DLEU7: variants seen among roughly 807,000 people sequenced by gnomAD.
DLEU7 encodes leukemia-associated protein 7.
In DLEU7, 17 loss-of-function variants were observed where a neutral mutation model predicts 16.0. The ratio of observed to expected loss-of-function variants is 1.06; its 90% confidence interval spans 0.73 to 1.59. The LOEUF (loss-of-function observed/expected upper bound fraction) is 1.59, where lower values mean the gene tolerates loss of function less well. Ranked by LOEUF, DLEU7 falls within the 40% of genes most tolerant of loss-of-function variation. DLEU7 has a pLI of 0.00. For synonymous variants in DLEU7, 113 were observed against 139.8 expected, an observed-to-expected ratio of 0.81 and a Z score of 1.35; for missense variants, 308 against 314.9, an observed-to-expected ratio of 0.98 and a Z score of 0.17.
chr13:50,767,599 C>T (rs546010298), intron 1 of DLEU7, among the ~76,000 whole-genome samples: 1 of 152,228 alleles, frequency 6.6e-6, no homozygotes, highest in African/African-American at 2.4e-5. Context: ...CTGTCTTCCC[C>T]AGTGGAGCTC....
chr13:50,746,954 TACAC>T (rs3059124), intron 1 of DLEU7, among the ~76,000 whole-genome samples: 56 of 150,896 alleles, frequency 3.7e-4, no homozygotes, highest in African/African-American at 1.2e-3. Flanking sequence ...TTGTGGAACG[TACAC>T]ACACACACAC....
At chr13:50,791,031 A>C (rs1351918602) in intron 1 of DLEU7, among the ~76,000 whole-genome samples, 3 of 152,098 alleles carry the variant, frequency 2.0e-5, no homozygotes, top group Non-Finnish European at 2.9e-5. Flanking sequence ...AAGAAGACCG[A>C]GTGGGCGAGG....
chr13:50,735,408 C>A (rs1196973783), intron 1 of DLEU7, among the ~76,000 whole-genome samples: 1 of 151,986 alleles, frequency 6.6e-6, no homozygotes, highest in Non-Finnish European at 1.5e-5. Context: ...TAAAGCAAGT[C>A]TCAATAAATT....
Position 50,843,170 on chromosome 13 carries a change from G to A in DLEU7, c.459+18C>T. 1 of 1,582,208 alleles carries A rather than the reference G, an allele frequency of 6.3e-7. No homozygotes were observed. The highest frequency in any genetic ancestry group is 8.6e-7 in the Non-Finnish European group (1 of 1,166,156). On this transcript the variant is annotated intron_variant, in intron 1 of 1. Coordinates refer to ENST00000504404, the MANE Select transcript of DLEU7 (RefSeq NM_001306135.2). This position sits in a 1 kb window ranked among gnomAD's most constrained non-coding sequence, Gnocchi z 5.7. ...GGTTACCCTGCACGCCAGAGGGGAT[G>A]GCGGGGGCCAGACTCACCTTCAGGT... is the stretch of plus-strand genomic sequence containing the variant.
At chr13:50,750,858 G>C (rs976187023) in intron 1 of DLEU7, among the ~76,000 whole-genome samples, 21 of 152,094 alleles carry the variant, frequency 1.4e-4, no homozygotes, top group African/African-American at 3.6e-4. Flanking sequence ...GGGTTTTCGA[G>C]GTAAACAATC....
chr13:50,843,414 C>T lies in DLEU7; in HGVS notation c.233G>A (p.Arg78Gln), dbSNP rs996490922. Residue 78 changes from arginine to glutamine, a missense_variant, in exon 1 of 2, where the codon CGG becomes CAG. Physicochemically the swap from Arg to Gln is conservative, Grantham distance 43. Transcript: ENST00000504404. This position sits in a 1 kb window ranked among gnomAD's most constrained non-coding sequence, Gnocchi z 5.7. The part of the protein sequence containing the change: ...RGGGVGTRSR[R>Q]TAARANSPEE... ...TGGGGAGTTCGCCCGCGCCGCGGTC[C>T]GCCGACTCCTGGTCCCCACGCCCCC... 7.6e-6 allele frequency: 10 copies of T among 1,315,948 alleles called. No individual in the cohort carries two copies. In the African/African-American group the frequency reaches 9.3e-5, roughly 12 times the overall value. 81.5% of individuals were successfully genotyped at this position (1,315,948 alleles called of 1,614,324 possible).
intron 1 of DLEU7, among the ~76,000 whole-genome samples, chr13:50,719,083 G>A (rs776705746): frequency 1.2e-4 from 18 of 152,108 alleles, no homozygotes; most frequent in African/African-American, 2.7e-4. Context: ...AGCAATCAGC[G>A]GGTGACTCTT....
At chr13:50,790,189 TCC>T (rs1875910869) in intron 1 of DLEU7, among the ~76,000 whole-genome samples, 1 of 152,096 alleles carries the variant, frequency 6.6e-6, no homozygotes, top group African/African-American at 2.4e-5. Flanking sequence ...CTCCTCGGCC[TCC>T]CAAAATGTTG....
intron 1 of DLEU7, among the ~76,000 whole-genome samples, chr13:50,772,456 G>A (rs558990605): frequency 6.6e-6 from 1 of 152,262 alleles, no homozygotes; most frequent in South Asian, 2.1e-4. Context: ...TGTAAGGCAG[G>A]CCTGGTAGTG....
chr13:50,739,861 C>T (rs1247106619), intron 1 of DLEU7, among the ~76,000 whole-genome samples: 2 of 152,144 alleles, frequency 1.3e-5, no homozygotes, highest in African/African-American at 4.8e-5. Context: ...TACATAATGA[C>T]ACTAGACTCC....
At chr13:50,805,404 A>G (rs1323708943) in intron 1 of DLEU7, among the ~76,000 whole-genome samples, 1 of 152,136 alleles carries the variant, frequency 6.6e-6, no homozygotes. Flanking sequence ...ATAATTGCTC[A>G]TGGTGTGTTA....
rs541706133 is a variant in DLEU7 at position 50,725,700 on chromosome 13, C to T, written c.460-12460G>A. ...GCGGGGGCATGGGAGGGGAAGGAGA[C>T]GCCGTGTCCACCTACAGCCATGGTT... On this transcript the variant is annotated intron_variant, in intron 1 of 1. Coordinates refer to the DLEU7 transcript ENST00000400393. Among the ~76,000 whole-genome samples the T allele has an allele frequency of 1.3e-3, 200 of 152,240 alleles. 1 individual carries two copies. Among genetic ancestry groups the T allele is most frequent in the Non-Finnish European group, 1.8e-3 (122 of 68,016 alleles).
At chr13:50,827,150 T>A (rs1206702540) in intron 1 of DLEU7, among the ~76,000 whole-genome samples, 1 of 152,122 alleles carries the variant, frequency 6.6e-6, no homozygotes, top group Non-Finnish European at 1.5e-5. Context: ...GTTTAGGACA[T>A]CTAAATGTGG....
At chr13:50,826,679 A>G (rs908458004) in intron 1 of DLEU7, among the ~76,000 whole-genome samples, 1 of 152,200 alleles carries the variant, frequency 6.6e-6, no homozygotes, top group African/African-American at 2.4e-5. Flanking sequence ...TCCAAAACAG[A>G]AATCTTTATA....
intron 1 of DLEU7, among the ~76,000 whole-genome samples, chr13:50,741,307 T>C (rs2137725246): frequency 6.6e-6 from 1 of 152,268 alleles, no homozygotes; most frequent in East Asian, 1.9e-4. Context: ...TTTATATACA[T>C]CTATTAAAAT....
At position 50,823,255 on chromosome 13, in the gene DLEU7, A is replaced by C; in HGVS notation, c.*59T>G. On this transcript the variant is annotated 3_prime_UTR_variant, in exon 2 of 2. Transcript: ENST00000504404. ...TGTCTGCTGACTCAATTAGGAAGGT[A>C]AGGTATCTGGTTCTCTTAACAGTGC... 1 of 1,524,994 alleles carries C rather than the reference A, an allele frequency of 6.6e-7. No homozygotes were observed. Among genetic ancestry groups the C allele is most frequent in the Non-Finnish European group, 8.8e-7 (1 of 1,138,184 alleles). The allele number at this position is 1,524,994 out of a possible 1,614,324, so 94.5% of individuals were successfully genotyped here. A position where few individuals can be genotyped will look rare whatever the true frequency, so the allele number is the denominator to read the frequency against.
intron 1 of DLEU7, among the ~76,000 whole-genome samples, chr13:50,715,087 C>T (rs936937967): frequency 3.3e-5 from 5 of 152,250 alleles, no homozygotes; most frequent in South Asian, 2.1e-4. Flanking sequence ...GGGCTGTCGG[C>T]GGGAACTGCC....
intron 1 of DLEU7, among the ~76,000 whole-genome samples, chr13:50,775,423 G>T (rs551346429): frequency 6.6e-6 from 1 of 152,304 alleles, no homozygotes; most frequent in Non-Finnish European, 1.5e-5. Context: ...TTTCAAGTCT[G>T]TCTAACTTAT....
At chr13:50,719,177 T>C (rs1304807432) in intron 1 of DLEU7, among the ~76,000 whole-genome samples, 2 of 152,202 alleles carry the variant, frequency 1.3e-5, no homozygotes, top group East Asian at 3.8e-4. Context: ...TCATTCTAAT[T>C]GCAGGGGCTG....
Sources: gnomAD v4.1 joint callset for allele counts (sites outside exome capture counted in the v4.1 genomes callset) on GRCh38, gnomAD v4.1.1 for gene constraint, Gnocchi (gnomAD v3.1) non-coding constraint, MANE v1.5 for transcripts, NCBI Gene and HGNC (gene_info 2026-07-23, HGNC 2026-07-21) for gene names.